The following CHST9 variants were observed in gnomAD, a reference collection of about 807,000 sequenced individuals.
The protein encoded by CHST9 is carbohydrate sulfotransferase 9.
CHST9 carries 41 observed loss-of-function variants against 44.4 expected under a neutral mutation model. The ratio of observed to expected loss-of-function variants is 0.92; its 90% CI spans 0.72 to 1.20. The LOEUF (loss-of-function observed/expected upper bound fraction) is 1.20, where lower values mean the gene tolerates loss of function less well. CHST9 is among the 50% of genes most tolerant of loss of function. CHST9 has a pLI of 0.00. For missense variants in CHST9, 504 were observed against 516.5 expected (o/e 0.98, Z 0.23); for synonymous variants, 171 against 178.4 (o/e 0.96, Z 0.33).
At chr18:26,952,030 T>C (rs919499284) in intron 4 of CHST9, among the ~76,000 whole-genome samples, 7 of 152,190 alleles carry the variant, frequency 4.6e-5, no homozygotes, top group Non-Finnish European at 1.5e-5. Context: ...CTCTCTCCCA[T>C]TGTTAGCAAT....
intron 3 of CHST9, among the ~76,000 whole-genome samples, chr18:27,046,360 A>G (rs1446461477): frequency 6.6e-6 from 1 of 151,924 alleles, no homozygotes; most frequent in Non-Finnish European, 1.5e-5. Context: ...TGTCTAAAAT[A>G]TTTTCTAATT....
At chr18:27,048,862 G>A (rs1190029955) in intron 2 of CHST9, among the ~76,000 whole-genome samples, 4 of 151,736 alleles carry the variant, frequency 2.6e-5, no homozygotes, top group Admixed American at 6.6e-5. Context: ...AAAATAGAAA[G>A]GACAGACAAT....
At chr18:27,075,180 T>C (rs1256615160) in intron 2 of CHST9, among the ~76,000 whole-genome samples, 3 of 41,664 alleles carry the variant, frequency 7.2e-5, no homozygotes, top group African/African-American at 1.3e-4. Context: ...TTGTTTTTTG[T>C]TTTTTTTTTG....
chr18:26,988,799 C>G (rs2056783411), intron 4 of CHST9, among the ~76,000 whole-genome samples: 1 of 152,062 alleles, frequency 6.6e-6, no homozygotes, highest in Non-Finnish European at 1.5e-5. Flanking sequence ...CATAAAACAA[C>G]TCTCAATAAA....
At chr18:27,034,229 C>T (rs2057368935) in intron 3 of CHST9, among the ~76,000 whole-genome samples, 1 of 152,196 alleles carries the variant, frequency 6.6e-6, no homozygotes, top group Non-Finnish European at 1.5e-5. Context: ...CAGCTTAAAT[C>T]TGGAGTCATC....
intron 2 of CHST9, among the ~76,000 whole-genome samples, chr18:27,064,320 C>A (rs1157879448): frequency 6.6e-6 from 1 of 151,924 alleles, no homozygotes; most frequent in African/African-American, 2.4e-5. Context: ...CTGGAGCCAG[C>A]ATGATGGGGC....
chr18:27,087,830 T>C (rs73404857), intron 2 of CHST9, among the ~76,000 whole-genome samples: 4,110 of 152,268 alleles, frequency 0.027, 176 homozygotes, highest in African/African-American at 0.092. Context: ...AGGGCATCTG[T>C]AAGGGAAATG....
chr18:27,062,951 A>T (rs1176056451), intron 2 of CHST9, among the ~76,000 whole-genome samples: 2 of 151,738 alleles, frequency 1.3e-5, no homozygotes, highest in Non-Finnish European at 2.9e-5. Flanking sequence ...GGAGCCAACC[A>T]CTCTTTGCTG....
At chr18:27,006,791 T>C (rs953323827) in intron 4 of CHST9, among the ~76,000 whole-genome samples, 4 of 152,166 alleles carry the variant, frequency 2.6e-5, no homozygotes, top group Non-Finnish European at 5.9e-5. Flanking sequence ...CTCCCTGAGA[T>C]AGATTGAGTC....
chr18:27,017,323 T>C (rs1320608656), intron 4 of CHST9, among the ~76,000 whole-genome samples: 2 of 152,168 alleles, frequency 1.3e-5, no homozygotes, highest in Non-Finnish European at 2.9e-5. Flanking sequence ...TCCATAGCAG[T>C]CCTATTCATA....
intron 1 of CHST9, among the ~76,000 whole-genome samples, chr18:27,163,452 T>C (rs1187522919): frequency 2.0e-5 from 3 of 152,210 alleles, no homozygotes; most frequent in African/African-American, 7.2e-5. Flanking sequence ...TGAGCTGCAG[T>C]GGGCTCCACC....
At chr18:27,108,121 T>G (rs145831499) in intron 2 of CHST9, among the ~76,000 whole-genome samples, 1 of 152,106 alleles carries the variant, frequency 6.6e-6, no homozygotes, top group Admixed American at 6.5e-5. Flanking sequence ...TGTTGACCTA[T>G]TCTACTTGTT....
intron 2 of CHST9, among the ~76,000 whole-genome samples, chr18:27,107,809 T>C (rs1464422161): frequency 1.3e-5 from 2 of 152,218 alleles, no homozygotes; most frequent in African/African-American, 4.8e-5. Context: ...TCTAATGGAA[T>C]GTGTTTCCTT....
chr18:27,047,312 AT>A, intron 3 of CHST9, among the ~76,000 whole-genome samples: 1 of 152,054 alleles, frequency 6.6e-6, no homozygotes, highest in East Asian at 1.9e-4. Context: ...TTATTTAGAA[AT>A]AATTTCTCCC....
intron 3 of CHST9, among the ~76,000 whole-genome samples, chr18:27,035,371 T>C (rs1288213258): frequency 2.0e-5 from 3 of 152,176 alleles, no homozygotes; most frequent in Admixed American, 6.5e-5. Context: ...TATTTTTTGC[T>C]ATGAAGTTGT....
Position 26,908,933 on chromosome 18 carries a change from T to C in CHST9, c.*7326A>G, listed in dbSNP as rs758230928. The C allele has an allele frequency of 6.6e-6, 1 of 152,262 alleles. No individual in the cohort carries two copies. Among genetic ancestry groups the C allele is most frequent in the Non-Finnish European group, 1.5e-5 (1 of 68,040 alleles). 9.4% of individuals were successfully genotyped at this position (152,262 alleles called of 1,614,324 possible). ...TTTGAAAACAGCTTTTTAGTTTTTATTGGAGAAACTCATATTGTCTTCACT... is the reference window on the plus strand; with the variant it reads ...TTTGAAAACAGCTTTTTAGTTTTTACTGGAGAAACTCATATTGTCTTCACT... On this transcript the variant is annotated 3_prime_UTR_variant, in exon 6 of 6. Coordinates refer to ENST00000618847, the MANE Select transcript of CHST9 (RefSeq NM_031422.6).
chr18:27,038,744 GACT>G (rs1423904312), intron 3 of CHST9, among the ~76,000 whole-genome samples: 1 of 151,930 alleles, frequency 6.6e-6, no homozygotes, highest in African/African-American at 2.4e-5. Flanking sequence ...TGTTTCCATA[GACT>G]ACATTTTTCT....
At chr18:27,061,696 A>G (rs1035927646) in intron 2 of CHST9, among the ~76,000 whole-genome samples, 1 of 152,024 alleles carries the variant, frequency 6.6e-6, no homozygotes, top group East Asian at 1.9e-4. Context: ...TGTGTGTATC[A>G]ATGGCCCCAG....
At chr18:27,006,393 T>G (rs900601094) in intron 4 of CHST9, among the ~76,000 whole-genome samples, 21 of 152,204 alleles carry the variant, frequency 1.4e-4, no homozygotes, top group African/African-American at 5.1e-4. Context: ...ATAAGTACTT[T>G]GATTGTTCTG....
Sources: gnomAD v4.1 joint callset for allele counts (sites outside exome capture counted in the v4.1 genomes callset) on GRCh38, gnomAD v4.1.1 for gene constraint, MANE v1.5 for transcripts, NCBI Gene and HGNC (gene_info 2026-07-23, HGNC 2026-07-21) for gene names.